The following SLC25A26 variants were observed in gnomAD, a reference collection of about 807,000 sequenced individuals.
The protein encoded by SLC25A26 is mitochondrial S-adenosylmethionine carrier protein.
A neutral mutation model predicts 37.8 loss-of-function variants in SLC25A26; 36 were observed. The observed-to-expected ratio is 0.95, with a 90% CI of 0.73 to 1.26. The LOEUF (loss-of-function observed/expected upper bound fraction) is 1.26. SLC25A26 is among the 50% of genes most tolerant of loss of function. The pLI, the probability that SLC25A26 is intolerant of heterozygous loss-of-function variation, is 0.00. For synonymous variants in SLC25A26, 129 were observed against 122.5 expected (o/e 1.05, Z -0.35); for missense variants, 390 against 331.1 (o/e 1.18, Z -1.38).
intron 1 of SLC25A26, among the ~76,000 whole-genome samples, chr3:66,172,791 T>G (rs2070520253): frequency 6.6e-6 from 1 of 152,202 alleles, no homozygotes; most frequent in South Asian, 2.1e-4. Flanking sequence ...TCCTCCAAGT[T>G]CTGCCTTCAT....
At chr3:66,303,401 T>C (rs1045914272) in intron 5 of SLC25A26, among the ~76,000 whole-genome samples, 2 of 152,190 alleles carry the variant, frequency 1.3e-5, no homozygotes, top group African/African-American at 4.8e-5. Flanking sequence ...GTTAGCCCTG[T>C]GAACCTGGGG....
At chr3:66,270,448 A>G (rs886211105) in intron 5 of SLC25A26, among the ~76,000 whole-genome samples, 3 of 152,206 alleles carry the variant, frequency 2.0e-5, no homozygotes, top group Non-Finnish European at 2.9e-5. Flanking sequence ...TTAAAATTCC[A>G]TAATGCTAGC....
chr3:66,254,359 A>G (rs1029930846), intron 3 of SLC25A26, among the ~76,000 whole-genome samples: 1 of 152,256 alleles, frequency 6.6e-6, no homozygotes, highest in Admixed American at 6.5e-5. Context: ...GAGAATGTGG[A>G]AATGAAATAC....
At position 66,182,982 on chromosome 3, in the gene SLC25A26, G is replaced by C. The variant is rs145845026; in HGVS notation, c.-353-37760G>C. On this transcript the variant is annotated intron_variant, in intron 1 of 10. Coordinates refer to the SLC25A26 transcript ENST00000676754. Reference sequence around the variant, plus strand: ...TAAAGTAGTAGGTTGGACAGCAGGGGATGCGGAGGATCAATGAAGCAGCTG... The same window carrying C: ...TAAAGTAGTAGGTTGGACAGCAGGGCATGCGGAGGATCAATGAAGCAGCTG... Among the ~76,000 whole-genome samples, 412 of 152,216 alleles carry C rather than the reference G, an allele frequency of 2.7e-3. 1 individual carries two copies. The highest frequency in any genetic ancestry group is 9.7e-3 in the African/African-American group (402 of 41,520).
chr3:66,206,540 C>G (rs2071179674), intron 1 of SLC25A26, among the ~76,000 whole-genome samples: 10 of 152,148 alleles, frequency 6.6e-5, no homozygotes, highest in Admixed American at 6.6e-4. Context: ...ATCTGCAAGG[C>G]TGTACATACT....
chr3:66,147,447 G>A (rs1329431425), intron 1 of SLC25A26, among the ~76,000 whole-genome samples: 3 of 151,790 alleles, frequency 2.0e-5, no homozygotes, highest in Non-Finnish European at 4.4e-5. Flanking sequence ...ACAGGTGTGA[G>A]GCACCATGCT....
At chr3:66,296,405 G>A (rs2074904531) in intron 5 of SLC25A26, among the ~76,000 whole-genome samples, 1 of 152,096 alleles carries the variant, frequency 6.6e-6, no homozygotes, top group Admixed American at 6.6e-5. Flanking sequence ...TTATTTTCCT[G>A]ATATACATGC....
chr3:66,160,592 C>T (rs911167132), intron 1 of SLC25A26, among the ~76,000 whole-genome samples: 2 of 152,128 alleles, frequency 1.3e-5, no homozygotes, highest in Non-Finnish European at 2.9e-5. Context: ...TAATGTGTGA[C>T]AAAACTTTAA....
chr3:66,303,829 A>T (rs1483161077), intron 5 of SLC25A26, among the ~76,000 whole-genome samples: 1 of 152,146 alleles, frequency 6.6e-6, no homozygotes, highest in Non-Finnish European at 1.5e-5. Flanking sequence ...CTGTGATCTC[A>T]TCTGAGGCTA....
intron 1 of SLC25A26, among the ~76,000 whole-genome samples, chr3:66,163,724 G>C (rs2106717089): frequency 6.6e-6 from 1 of 152,252 alleles, no homozygotes; most frequent in African/African-American, 2.4e-5. Flanking sequence ...TCAACCCACT[G>C]TCTCCAAGTT....
intron 5 of SLC25A26, among the ~76,000 whole-genome samples, chr3:66,301,005 A>C (rs936614702): frequency 6.6e-6 from 1 of 152,182 alleles, no homozygotes; most frequent in African/African-American, 2.4e-5. Context: ...GTCTCAATAA[A>C]GTCTATGCAT....
At chr3:66,257,635 ACTT>A (rs1182786101) in intron 3 of SLC25A26, among the ~76,000 whole-genome samples, 2 of 151,954 alleles carry the variant, frequency 1.3e-5, no homozygotes, top group African/African-American at 2.4e-5. Context: ...GTATTATTTC[ACTT>A]CTTTGCTAGA....
At chr3:66,302,688 T>A (rs1184501460) in intron 5 of SLC25A26, among the ~76,000 whole-genome samples, 2 of 152,160 alleles carry the variant, frequency 1.3e-5, no homozygotes, top group Non-Finnish European at 2.9e-5. Flanking sequence ...TGTTTTGGCT[T>A]TGTCTGTCAG....
At chr3:66,296,073 C>T (rs766325030) in intron 5 of SLC25A26, among the ~76,000 whole-genome samples, 1 of 151,988 alleles carries the variant, frequency 6.6e-6, no homozygotes, top group Non-Finnish European at 1.5e-5. Context: ...GCCGTGATCG[C>T]ACCATTGCAC....
chr3:66,174,799 G>T lies in SLC25A26; in HGVS notation c.-354+40815G>T, dbSNP rs989875099. Among the ~76,000 whole-genome samples, 345 of 65,906 alleles carry T rather than the reference G, an allele frequency of 5.2e-3. 2 individuals are homozygous for T. Among genetic ancestry groups the T allele is most frequent in the African/African-American group, 0.02 (332 of 16,578 alleles). 43.2% of individuals were successfully genotyped at this position (65,906 alleles called of 152,430 possible). A position where few individuals can be genotyped will look rare whatever the true frequency, so the allele number is the denominator to read the frequency against. Reference sequence around the variant, plus strand: ...AGACTCCGAGACTCCGTCTCAAAAAGAAAAAAAAAAAAAGAAAAAAAAAAT... The same window carrying T: ...AGACTCCGAGACTCCGTCTCAAAAATAAAAAAAAAAAAAGAAAAAAAAAAT... On this transcript the variant is annotated intron_variant, in intron 1 of 10. Transcript: ENST00000676754.
chr3:66,375,867 G>GC (rs907214010), intron 9 of SLC25A26, among the ~76,000 whole-genome samples: 5 of 151,770 alleles, frequency 3.3e-5, no homozygotes, highest in African/African-American at 1.2e-4. Context: ...GGCTACAGCT[G>GC]CATCAACAGT....
chr3:66,292,219 A>G (rs1319811797), intron 5 of SLC25A26, among the ~76,000 whole-genome samples: 1 of 152,092 alleles, frequency 6.6e-6, no homozygotes, highest in Non-Finnish European at 1.5e-5. Context: ...GGCCTCCTGA[A>G]TACAGCACAC....
At chr3:66,327,523 G>A (rs139926606) in intron 5 of SLC25A26, among the ~76,000 whole-genome samples, 4 of 152,014 alleles carry the variant, frequency 2.6e-5, no homozygotes, top group African/African-American at 7.2e-5. Context: ...AATGAAACGT[G>A]TATATAAAAT....
chr3:66,285,999 A>G (rs1465268900), intron 5 of SLC25A26, among the ~76,000 whole-genome samples: 1 of 152,176 alleles, frequency 6.6e-6, no homozygotes, highest in African/African-American at 2.4e-5. Context: ...CTTATTTGGC[A>G]TCCTTGCATC....
Sources: allele counts gnomAD v4.1 joint callset (sites outside exome capture counted in the v4.1 genomes callset), GRCh38; gene constraint gnomAD v4.1.1; transcripts MANE v1.5; gene names NCBI Gene and HGNC (gene_info 2026-07-23, HGNC 2026-07-21).